The following CLMP variants were observed in gnomAD, a reference collection of about 807,000 sequenced individuals.
CLMP encodes CXADR-like membrane protein.
A neutral mutation model predicts 45.2 loss-of-function variants in CLMP; 27 were observed. That is an observed-to-expected ratio of 0.60 (90% CI 0.44 to 0.82). The LOEUF (loss-of-function observed/expected upper bound fraction) is 0.82. CLMP is among the 40% of genes least tolerant of loss of function. CLMP has a pLI of 0.00. For missense variants in CLMP, 403 were observed against 448.4 expected (o/e 0.90, Z 0.91); for synonymous variants, 167 against 171.4 (o/e 0.97, Z 0.20).
intron 2 of CLMP, among the ~76,000 whole-genome samples, chr11:123,085,108 G>T (rs1476264938): frequency 6.6e-6 from 1 of 151,146 alleles, no homozygotes; most frequent in Non-Finnish European, 1.5e-5. Flanking sequence ...GAAAGGAAAA[G>T]AAACCTCGGG....
At chr11:123,097,773 C>A (rs758053993) in intron 2 of CLMP, 22 bp downstream of exon 2, 1 of 1,534,590 alleles carries the variant, frequency 6.5e-7, no homozygotes, top group East Asian at 2.4e-5. Flanking sequence ...GGAGGAGGGA[C>A]TCCAGCCAGG....
chr11:123,188,507 A>C (rs1481714270), intron 1 of CLMP, among the ~76,000 whole-genome samples: 1 of 151,534 alleles, frequency 6.6e-6, no homozygotes, highest in Non-Finnish European at 1.5e-5. Flanking sequence ...TCGTGACCTG[A>C]ACTTTCCACA....
At chr11:123,193,033 A>G (rs904354933) in intron 1 of CLMP, 1 of 152,226 alleles carries the variant, frequency 6.6e-6, no homozygotes, top group African/African-American at 2.4e-5. Context: ...GGTCACGCTG[A>G]CATCTTACAT....
At chr11:123,100,563 C>T (rs2135482476) in intron 1 of CLMP, among the ~76,000 whole-genome samples, 1 of 92,040 alleles carries the variant, frequency 1.1e-5, no homozygotes, top group South Asian at 3.1e-4. Context: ...CAACAGGCAT[C>T]CCTGTGTTCT....
At chr11:123,130,472 G>T (rs1403812237) in intron 1 of CLMP, among the ~76,000 whole-genome samples, 1 of 152,136 alleles carries the variant, frequency 6.6e-6, no homozygotes, top group East Asian at 1.9e-4. Flanking sequence ...AAAATGGTAT[G>T]GTCTGGATGG....
chr11:123,083,069 C>T lies in CLMP; in HGVS notation c.679+16G>A, dbSNP rs777767039. The T allele has an allele frequency of 6.2e-7, 1 of 1,611,592 alleles. No individual in the cohort carries two copies. Among genetic ancestry groups the T allele is most frequent in the South Asian group, 1.1e-5 (1 of 90,490 alleles). ...ACAAACAGAAAAATGAAACTAAAAC[C>T]TCTTTGGATGCTTACACTGTACAGT... On this transcript the variant is annotated intron_variant, in intron 5 of 6. Transcript: ENST00000448775.
intron 1 of CLMP, among the ~76,000 whole-genome samples, chr11:123,127,222 A>G (rs141781338): frequency 0.015 from 2,319 of 152,088 alleles, 55 homozygotes; most frequent in African/African-American, 0.052. Context: ...CCTGGATTCA[A>G]GTGATTCTCC....
At chr11:123,166,425 A>G (rs775039288) in intron 1 of CLMP, among the ~76,000 whole-genome samples, 3 of 152,246 alleles carry the variant, frequency 2.0e-5, no homozygotes. Flanking sequence ...AATAGCCCAG[A>G]GTCTGCTGCG....
chr11:123,081,605 G>A (rs968014019), intron 5 of CLMP, among the ~76,000 whole-genome samples: 5 of 152,092 alleles, frequency 3.3e-5, no homozygotes, highest in African/African-American at 9.7e-5. Flanking sequence ...GTGGCGTTGC[G>A]CATGCCGGTA....
At chr11:123,190,493 G>A (rs1454843536) in intron 1 of CLMP, among the ~76,000 whole-genome samples, 2 of 152,162 alleles carry the variant, frequency 1.3e-5, no homozygotes, top group Non-Finnish European at 2.9e-5. Context: ...TTACAAAGGA[G>A]AAAACTAAGG....
At chr11:123,081,443 G>GT (rs141262500) in intron 5 of CLMP, among the ~76,000 whole-genome samples, 16,218 of 152,122 alleles carry the variant, frequency 0.11, 1,428 homozygotes, top group African/African-American at 0.23. Flanking sequence ...ATAGGATTTG[G>GT]TCAAAAGTCT....
At chr11:123,102,581 G>GTT (rs568403829) in intron 1 of CLMP, among the ~76,000 whole-genome samples, 20 of 121,554 alleles carry the variant, frequency 1.6e-4, no homozygotes, top group East Asian at 7.4e-4. Flanking sequence ...GCCCAGCCAG[G>GTT]TTTTTTTTTT....
intron 1 of CLMP, among the ~76,000 whole-genome samples, chr11:123,194,408 G>A (rs1042494490): frequency 1.3e-5 from 2 of 151,590 alleles, no homozygotes; most frequent in African/African-American, 4.9e-5. Context: ...TGTGTGACTT[G>A]GGGCATTTGC....
At chr11:123,077,420 C>G (rs1415852879) in intron 5 of CLMP, among the ~76,000 whole-genome samples, 1 of 151,544 alleles carries the variant, frequency 6.6e-6, no homozygotes, top group Non-Finnish European at 1.5e-5. Context: ...CAACCTCTGC[C>G]TCCCGGGTTC....
At chr11:123,112,486 C>T (rs535736201) in intron 1 of CLMP, among the ~76,000 whole-genome samples, 71 of 151,624 alleles carry the variant, frequency 4.7e-4, no homozygotes, top group South Asian at 8.4e-4. Context: ...TACAGGTGCC[C>T]GCTACCACGC....
At chr11:123,148,714 G>T (rs886933326) in intron 1 of CLMP, among the ~76,000 whole-genome samples, 3 of 152,148 alleles carry the variant, frequency 2.0e-5, no homozygotes, top group Non-Finnish European at 2.9e-5. Context: ...CTGCCCTCAT[G>T]TCCTAGAAGC....
At chr11:123,153,846 CT>C (rs60591379) in intron 1 of CLMP, among the ~76,000 whole-genome samples, 17,067 of 123,844 alleles carry the variant, frequency 0.14, 1,279 homozygotes, top group South Asian at 0.28. Context: ...CCATGCCTCA[CT>C]TTTTTTTTTT....
chr11:123,103,547 C>T (rs1860483002), intron 1 of CLMP, among the ~76,000 whole-genome samples: 1 of 151,994 alleles, frequency 6.6e-6, no homozygotes, highest in African/African-American at 2.4e-5. Flanking sequence ...GGGAGGAGCC[C>T]CTCTGTGAAT....
chr11:123,114,797 T>C (rs779828125), intron 1 of CLMP, among the ~76,000 whole-genome samples: 59 of 152,298 alleles, frequency 3.9e-4, no homozygotes, highest in Admixed American at 2.0e-3. Flanking sequence ...TTCTCAATAA[T>C]CTTGTGAAGT....
Sources: allele counts gnomAD v4.1 joint callset (sites outside exome capture counted in the v4.1 genomes callset), GRCh38; gene constraint gnomAD v4.1.1; transcripts MANE v1.5; gene names NCBI Gene and HGNC (gene_info 2026-07-23, HGNC 2026-07-21).